PARD3: variants seen among roughly 807,000 people sequenced by gnomAD.
PARD3 encodes par-3 family cell polarity regulator, also known as partitioning defective 3 homolog.
PARD3 carries 75 observed loss-of-function variants against 155.4 expected under a neutral mutation model. The observed-to-expected ratio is 0.48, with a 90% CI of 0.40 to 0.58. The LOEUF is 0.58. Among genes scored for constraint, PARD3 ranks in the 20% least tolerant of loss-of-function variants. The probability of loss-of-function intolerance (pLI) is 0.00; values close to 1 mark genes in which losing one functional copy is unlikely to be tolerated. For synonymous variants in PARD3, 576 were observed against 610.5 expected, an observed-to-expected ratio of 0.94 and a Z score of 0.83; for missense variants, 1,642 against 1,721.7, an observed-to-expected ratio of 0.95 and a Z score of 0.82.
chr10:34,702,500 G>A (rs1045434027), intron 1 of PARD3, among the ~76,000 whole-genome samples: 1 of 152,188 alleles, frequency 6.6e-6, no homozygotes, highest in African/African-American at 2.4e-5. Context: ...CCCAGCCCCT[G>A]GCGGCTCACT....
At chr10:34,463,363 G>C (rs1225909625) in intron 4 of PARD3, among the ~76,000 whole-genome samples, 1 of 92,202 alleles carries the variant, frequency 1.1e-5, no homozygotes, top group Non-Finnish European at 2.2e-5. Context: ...GAAGGGGAGG[G>C]GAGGGGAGGG....
intron 22 of PARD3, among the ~76,000 whole-genome samples, chr10:34,208,136 T>C (rs1951566220): frequency 6.6e-6 from 1 of 152,244 alleles, no homozygotes; most frequent in African/African-American, 2.4e-5. Flanking sequence ...GACATAACCA[T>C]GAACACATGA....
chr10:34,467,261 C>A (rs1199885433), intron 4 of PARD3, among the ~76,000 whole-genome samples: 3 of 151,550 alleles, frequency 2.0e-5, no homozygotes, highest in Non-Finnish European at 4.4e-5. Flanking sequence ...CAGGGAAAAT[C>A]CCTATTGTAC....
At chr10:34,245,453 G>A (rs1159308125) in intron 22 of PARD3, among the ~76,000 whole-genome samples, 1 of 131,408 alleles carries the variant, frequency 7.6e-6, no homozygotes, top group Non-Finnish European at 1.8e-5. Context: ...GGTGAGTGAG[G>A]CCACCCTGAC....
chr10:34,657,728 G>A (rs1249108363), intron 2 of PARD3, among the ~76,000 whole-genome samples: 6 of 151,856 alleles, frequency 4.0e-5, no homozygotes, highest in East Asian at 2.0e-4. Flanking sequence ...TAGTAGAGAC[G>A]TGGTTTCGCC....
chr10:34,196,647 C>T (rs1950955565), intron 22 of PARD3, among the ~76,000 whole-genome samples: 1 of 144,746 alleles, frequency 6.9e-6, no homozygotes, highest in Non-Finnish European at 1.5e-5. Flanking sequence ...GATCTTGGCT[C>T]ACTGCAAGCT....
chr10:34,582,564 A>G (rs890214618), intron 2 of PARD3, among the ~76,000 whole-genome samples: 4 of 152,198 alleles, frequency 2.6e-5, no homozygotes, highest in African/African-American at 4.8e-5. Context: ...ATATCTCCAC[A>G]TAAAGAATAA....
chr10:34,204,783 T>C (rs1468943034), intron 22 of PARD3, among the ~76,000 whole-genome samples: 2 of 152,230 alleles, frequency 1.3e-5, no homozygotes, highest in East Asian at 3.8e-4. Flanking sequence ...GATTTTGAAT[T>C]CGTGGTATCT....
At chr10:34,222,426 G>C (rs1033751384) in intron 22 of PARD3, among the ~76,000 whole-genome samples, 6 of 152,226 alleles carry the variant, frequency 3.9e-5, no homozygotes, top group African/African-American at 1.4e-4. Flanking sequence ...CTGACAGCAT[G>C]AGGCCCCAAA....
At chr10:34,805,087 G>A (rs1354805880) in intron 1 of PARD3, among the ~76,000 whole-genome samples, 2 of 152,222 alleles carry the variant, frequency 1.3e-5, no homozygotes, top group Admixed American at 6.5e-5. Flanking sequence ...GCTGGGCGCG[G>A]TGGCTCACGC....
chr10:34,797,574 G>A (rs144088576), intron 1 of PARD3, among the ~76,000 whole-genome samples: 110 of 152,242 alleles, frequency 7.2e-4, no homozygotes, highest in Non-Finnish European at 1.3e-3. Flanking sequence ...AAACAAGCTC[G>A]AAAAGCAACT....
At chr10:34,179,550 A>G (rs184043481) in intron 22 of PARD3, among the ~76,000 whole-genome samples, 37 of 152,362 alleles carry the variant, frequency 2.4e-4, no homozygotes, top group Admixed American at 1.6e-3. Context: ...TAACAATCCA[A>G]GATAAATAAA....
chr10:34,727,814 C>CTACA (rs1564552664), intron 1 of PARD3, among the ~76,000 whole-genome samples: 1 of 142,602 alleles, frequency 7.0e-6, no homozygotes, highest in African/African-American at 2.6e-5. Context: ...CCTCCCTCCA[C>CTACA]CACACACACA....
At chr10:34,125,480 G>A (rs1947237415) in intron 23 of PARD3, among the ~76,000 whole-genome samples, 1 of 152,330 alleles carries the variant, frequency 6.6e-6, no homozygotes, top group East Asian at 1.9e-4. Context: ...AGGCCGCTAG[G>A]AGAAAATGAG....
chr10:34,790,996 TGATCATTTCA>T (rs1364961475), intron 1 of PARD3, among the ~76,000 whole-genome samples: 1 of 152,114 alleles, frequency 6.6e-6, no homozygotes, highest in Non-Finnish European at 1.5e-5. Flanking sequence ...ACACACTTAC[TGATCATTTCA>T]GAGTATCAAA....
intron 2 of PARD3, among the ~76,000 whole-genome samples, chr10:34,641,733 C>T (rs1366808343): frequency 2.0e-5 from 3 of 152,156 alleles, no homozygotes; most frequent in Admixed American, 1.3e-4. Context: ...TGAGCCTGCC[C>T]CCATTCGTGA....
chr10:34,378,837 T>TA (rs151103297), intron 9 of PARD3, among the ~76,000 whole-genome samples: 3,219 of 152,274 alleles, frequency 0.021, 60 homozygotes, highest in Non-Finnish European at 0.032. Context: ...ATTTATAAAT[T>TA]ACTCTGATGA....
At chr10:34,267,026 C>T (rs1022882555) in intron 22 of PARD3, among the ~76,000 whole-genome samples, 10 of 152,064 alleles carry the variant, frequency 6.6e-5, no homozygotes, top group South Asian at 4.1e-4. Flanking sequence ...AAAACTGCTA[C>T]GTGGTAGTCT....
Position 34,675,843 on chromosome 10 carries a change from C to T in PARD3, c.222+20475G>A, listed in dbSNP as rs529798276. ...CTGGTGTTCAGCACATGGGCCTCCA[C>T]CAACTTCACACACACACACACGCGC... On this transcript the variant is annotated intron_variant, in intron 2 of 24. Transcript: ENST00000374788. 28 of 199,262 alleles carry T rather than the reference C, an allele frequency of 1.4e-4. 1 individual carries two copies. The highest frequency in any genetic ancestry group is 5.8e-4 in the African/African-American group (25 of 43,294). The allele number at this position is 199,262 out of a possible 1,614,324, so 12.3% of individuals were successfully genotyped here. A position where few individuals can be genotyped will look rare whatever the true frequency, so the allele number is the denominator to read the frequency against.
Sources: allele counts gnomAD v4.1 joint callset (sites outside exome capture counted in the v4.1 genomes callset), GRCh38; gene constraint gnomAD v4.1.1; transcripts MANE v1.5; gene names NCBI Gene and HGNC (gene_info 2026-07-23, HGNC 2026-07-21).